Variants in MYH10 observed in about 807,000 individuals in gnomAD.
The protein encoded by MYH10 is myosin heavy chain 10.
A neutral mutation model predicts 257.8 loss-of-function variants in MYH10; 55 were observed. The observed-to-expected ratio is 0.21, with a 90% CI of 0.17 to 0.27. The LOEUF (loss-of-function observed/expected upper bound fraction) is 0.27, where lower values mean the gene tolerates loss of function less well. Ranked by LOEUF, MYH10 falls within the 10% of genes least tolerant of loss-of-function variation. MYH10 has a pLI of 1.00. For synonymous variants in MYH10, 854 were observed against 921.7 expected, an observed-to-expected ratio of 0.93 and a Z score of 1.33; for missense variants, 1,631 against 2,500.6, an observed-to-expected ratio of 0.65 and a Z score of 7.42.
intron 24 of MYH10, among the ~76,000 whole-genome samples, chr17:8,512,122 G>T (rs1046419968): frequency 6.6e-6 from 1 of 152,208 alleles, no homozygotes; most frequent in African/African-American, 2.4e-5. Context: ...GTGAGCAACA[G>T]AATCACTGAC....
Position 8,552,108 on chromosome 17 carries a change from T to A in MYH10, c.857A>T (p.Lys286Ile), listed in dbSNP as rs751322243. 1.3e-6 allele frequency: 2 copies of A among 1,563,206 alleles called. No individual in the cohort carries two copies. Among genetic ancestry groups the A allele is most frequent in the Non-Finnish European group, 1.7e-6 (2 of 1,150,228 alleles). Reference sequence around the variant, plus strand: ...AAAGATATGAAAAGTACGTTCATCTTTTGCTTGACGAACAGCACGAGACTT... The same window carrying A: ...AAAGATATGAAAAGTACGTTCATCTATTGCTTGACGAACAGCACGAGACTT... ...LEKSRAVRQA[K>I]DERTFHIFYQ... The change falls in exon 9 of 43, where the codon AAA (lysine) becomes ATA (isoleucine). Residue 286 changes from lysine (K) to isoleucine (I), a missense_variant. By Grantham distance (102) the Lys-to-Ile change is moderately radical (BLOSUM62 -3). Transcript: ENST00000360416. This position sits in a 1 kb window ranked among gnomAD's most constrained non-coding sequence, Gnocchi z 4.8.
At chr17:8,602,006 C>T (rs7221953) in intron 3 of MYH10, among the ~76,000 whole-genome samples, 3,587 of 139,458 alleles carry the variant, frequency 0.026, 53 homozygotes, top group Middle Eastern at 0.028. Context: ...GACGGAGTCT[C>T]GTTCTTTCGC....
At chr17:8,625,448 T>G (rs1461207980) in intron 1 of MYH10, among the ~76,000 whole-genome samples, 3 of 151,904 alleles carry the variant, frequency 2.0e-5, no homozygotes. Context: ...CCAGAGTCCC[T>G]GATTCAGTAG....
intron 4 of MYH10, among the ~76,000 whole-genome samples, chr17:8,578,176 G>A (rs1387690539): frequency 6.6e-6 from 1 of 151,916 alleles, no homozygotes; most frequent in African/African-American, 2.4e-5. Flanking sequence ...TCATAGGCTG[G>A]GTTCCTGATG....
At chr17:8,623,474 G>A (rs1390784109) in intron 1 of MYH10, 197 bp from the exon 2 acceptor site, 10 of 360,884 alleles carry the variant, frequency 2.8e-5, no homozygotes, top group Non-Finnish European at 4.7e-5. Context: ...GGCTCTGGTT[G>A]TCTGATGGGT....
At chr17:8,547,851 A>C (rs1027041831) in intron 11 of MYH10, among the ~76,000 whole-genome samples, 2 of 144,488 alleles carry the variant, frequency 1.4e-5, no homozygotes, top group Non-Finnish European at 3.0e-5. Flanking sequence ...TGGGTCACAA[A>C]CTTTTGTTCC....
At chr17:8,548,958 T>A (rs74252634) in intron 9 of MYH10, among the ~76,000 whole-genome samples, 171 bp from the exon 10 acceptor site, 1 of 698 alleles carries the variant, frequency 1.4e-3, no homozygotes, top group Non-Finnish European at 0.045. Flanking sequence ...CAAACATACA[T>A]TTTTTTAATT....
intron 3 of MYH10, among the ~76,000 whole-genome samples, chr17:8,595,296 T>A (rs1414691830): frequency 6.6e-6 from 1 of 152,146 alleles, no homozygotes; most frequent in Non-Finnish European, 1.5e-5. Context: ...TTAAAACTAA[T>A]CGCCTTATGA....
Position 8,545,512 on chromosome 17 carries a change from C to T in MYH10, c.1367G>A (p.Arg456Lys), listed in dbSNP as rs1210337835. 11 of 1,613,988 alleles carry T rather than the reference C, an allele frequency of 6.8e-6. No homozygotes were observed. The highest frequency in any genetic ancestry group is 9.3e-6 in the Non-Finnish European group (11 of 1,180,026). Residue 456 changes from arginine (R) to lysine (K), a missense_variant, in exon 13 of 43, where the codon AGG becomes AAG. Physicochemically the swap from Arg to Lys is conservative, Grantham distance 26. Transcript: ENST00000360416. The surrounding 1 kb of genome is among the most constrained non-coding windows in gnomAD (Gnocchi z 4.7). ...LVHRINKALD[R>K]TKRQGASFIG... ...GAAAGATGCTCCCTGACGTTTGGTC[C>T]TATCCAGAGCTTTATTGATGCGATG... is the stretch of plus-strand genomic sequence containing the variant.
In MYH10 at chr17:8,479,661, G is replaced by C. The variant is rs375747158; in HGVS notation, c.5597+449C>G. 2.6e-5 allele frequency among the ~76,000 whole-genome samples: 4 copies of C among 152,350 alleles called. No individual in the cohort carries two copies. The South Asian group carries it at 8.3e-4, about 32-fold the overall frequency. ...TAGCTTTGTAATATGCCTGCCAGCA[G>C]CTGTACTGTACAATTTCTCATCAAT... On this transcript the variant is annotated intron_variant, in intron 40 of 42. Transcript: ENST00000360416.
rs1419588589 is a variant in MYH10 at position 8,506,731 on chromosome 17, T to C, written c.3215-242A>G. Among the ~76,000 whole-genome samples the C allele has an allele frequency of 6.6e-6, 1 of 151,718 alleles. No homozygotes were observed. Among genetic ancestry groups the C allele is most frequent in the Non-Finnish European group, 1.5e-5 (1 of 67,962 alleles). ...AGGAAGAAGTTGAGTGTCCTAAGAA[T>C]GTCCTTTCATGGGAGGTGAGACCAC... On this transcript the variant is annotated intron_variant, in intron 26 of 42. Coordinates refer to ENST00000360416, the MANE Select transcript of MYH10 (RefSeq NM_001256012.3). This position sits in a 1 kb window ranked among gnomAD's most constrained non-coding sequence, Gnocchi z 5.0.
At position 8,480,439 on chromosome 17, in the gene MYH10, T is replaced by C; in HGVS notation, c.5351A>G (p.Glu1784Gly). The C allele has an allele frequency of 1.9e-6, 3 of 1,613,100 alleles. No homozygotes were observed. Among genetic ancestry groups the C allele is most frequent in the Non-Finnish European group, 2.5e-6 (3 of 1,179,996 alleles). ...EELEEEQSNM[E>G]LLNDRFRKTT... ...CTTGCGGAAGCGGTCGTTGAGCAGC[T>C]CCATGTTGCTCTGCTCCTCTTCCAG... Residue 1784 changes from glutamate to glycine, a missense_variant, in exon 39 of 43, where the codon GAG becomes GGG. Physicochemically the swap from Glu to Gly is moderately conservative, Grantham distance 98. This residue lies in a region of MYH10 where 343 missense variants were observed against 389.5 expected (regional missense o/e 0.88). Transcript: ENST00000360416.
In MYH10 at chr17:8,569,162, C is replaced by G. The variant is rs1360393593; in HGVS notation, c.756+558G>C. On this transcript the variant is annotated intron_variant, in intron 7 of 42. Coordinates refer to ENST00000360416, the MANE Select transcript of MYH10 (RefSeq NM_001256012.3). This position sits in a 1 kb window ranked among gnomAD's most constrained non-coding sequence, Gnocchi z 4.1. ...CCTTGAGACCAGGAGTTGGTGGCTGCAGTGAGCTATGACTGTGCCACTGCA... is the reference window on the plus strand; with the variant it reads ...CCTTGAGACCAGGAGTTGGTGGCTGGAGTGAGCTATGACTGTGCCACTGCA... 6.6e-6 allele frequency among the ~76,000 whole-genome samples: 1 copy of G among 151,232 alleles called. No individual in the cohort carries two copies. Among genetic ancestry groups the G allele is most frequent in the African/African-American group, 2.4e-5 (1 of 41,084 alleles).
intron 12 of MYH10, among the ~76,000 whole-genome samples, chr17:8,546,095 G>A (rs1337862093): frequency 1.3e-5 from 2 of 149,608 alleles, no homozygotes; most frequent in Non-Finnish European, 3.0e-5. Flanking sequence ...GTCTCGTTCT[G>A]TTGCCTGGGC....
At chr17:8,600,976 A>C (rs1682835350) in intron 3 of MYH10, among the ~76,000 whole-genome samples, 1 of 152,222 alleles carries the variant, frequency 6.6e-6, no homozygotes, top group Non-Finnish European at 1.5e-5. Context: ...CCTAAGGCAA[A>C]AATGAAAAGG....
Position 8,565,325 on chromosome 17 carries a change from A to G in MYH10, c.756+4395T>C, listed in dbSNP as rs550538379. Reference sequence around the variant, plus strand: ...AAATGAGTCTACAACAGTTTCTTTCAAACCCCAAGAACCAACACCAATAGA... The same window carrying G: ...AAATGAGTCTACAACAGTTTCTTTCGAACCCCAAGAACCAACACCAATAGA... On this transcript the variant is annotated intron_variant, in intron 7 of 42. Coordinates refer to ENST00000360416, the MANE Select transcript of MYH10 (RefSeq NM_001256012.3). Among the ~76,000 whole-genome samples the G allele has an allele frequency of 5.2e-4, 79 of 152,336 alleles. 1 individual carries two copies. Among genetic ancestry groups the G allele is most frequent in the African/African-American group, 1.7e-3 (72 of 41,576 alleles).
intron 7 of MYH10, among the ~76,000 whole-genome samples, chr17:8,564,364 A>G (rs1272772169): frequency 6.6e-6 from 1 of 152,216 alleles, no homozygotes; most frequent in Admixed American, 6.5e-5. Context: ...TTCACTGTAT[A>G]CACAACTCAT....
chr17:8,487,607 A>G lies in MYH10; in HGVS notation c.4885-13T>C. The G allele has an allele frequency of 8.7e-6, 14 of 1,614,014 alleles. No homozygotes were observed. The highest frequency in any genetic ancestry group is 2.7e-5 in the African/African-American group (2 of 75,038). ...CGAGCTCCCGCACCTAATGGACAAC[A>G]TCGGGTTATGCTGGGTTACATCCAA... is the stretch of plus-strand genomic sequence containing the variant. On this transcript the variant is annotated splice_polypyrimidine_tract_variant and intron_variant, in intron 35 of 42. Transcript: ENST00000360416.
chr17:8,499,479 A>G lies in MYH10; in HGVS notation c.3745-3T>C, dbSNP rs765535443. 3.1e-6 allele frequency: 5 copies of G among 1,613,792 alleles called. No homozygotes were observed. Among genetic ancestry groups the G allele is most frequent in the Non-Finnish European group, 4.2e-6 (5 of 1,179,806 alleles). On this transcript the variant is annotated splice_region_variant and splice_polypyrimidine_tract_variant and intron_variant, in intron 29 of 42. Transcript: ENST00000360416. Reference sequence around the variant, plus strand: ...TTCTTCTCTAGATTTGCTTTGAACTAGGAGACGGAAGGGAAAACATAATTC... The same window carrying G: ...TTCTTCTCTAGATTTGCTTTGAACTGGGAGACGGAAGGGAAAACATAATTC...
Sources: allele counts gnomAD v4.1 joint callset (sites outside exome capture counted in the v4.1 genomes callset), GRCh38; gene constraint gnomAD v4.1.1; regional missense constraint gnomAD v4.1.1; non-coding constraint Gnocchi (gnomAD v3.1); transcripts MANE v1.5; gene names NCBI Gene and HGNC (gene_info 2026-07-23, HGNC 2026-07-21).